The following TMEM17 variants were observed in gnomAD, a reference collection of about 807,000 sequenced individuals.
TMEM17 encodes transmembrane protein 17.
TMEM17 carries 15 observed loss-of-function variants against 19.1 expected under a neutral mutation model. The observed-to-expected ratio is 0.78, with a 90% CI of 0.52 to 1.21. TMEM17 has a LOEUF of 1.21. TMEM17 is among the 50% of genes most tolerant of loss of function. The pLI is 0.00. For synonymous variants in TMEM17, 103 were observed against 86.9 expected (o/e 1.19, Z -1.03); for missense variants, 245 against 242.3 (o/e 1.01, Z -0.07).
In TMEM17 at chr2:62,506,059, C is replaced by T. The variant is rs913282627; in HGVS notation, c.71G>A (p.Arg24Gln). The change falls in exon 1 of 4, where the codon CGG becomes CAG. Residue 24 changes from arginine to glutamine, a missense_variant. Arg to Gln is a conservative substitution (Grantham distance 43, BLOSUM62 1). Coordinates refer to ENST00000335390, the MANE Select transcript of TMEM17 (RefSeq NM_198276.3). ...FSRAVFSDSN[R>Q]TGPESNEGPE... The stretch of plus-strand genomic sequence containing the variant: ...ACCCTCATTGGACTCTGGACCGGTC[C>T]GATTGGAATCACTGAACACGGCCCG... 8.7e-6 allele frequency: 14 copies of T among 1,610,768 alleles called. No homozygotes were observed. Among genetic ancestry groups the T allele is most frequent in the African/African-American group, 5.4e-5 (4 of 74,540 alleles).
the TMEM17 span, among the ~76,000 whole-genome samples, chr2:62,460,575 C>A: frequency 6.6e-6 from 1 of 152,120 alleles, no homozygotes; most frequent in Non-Finnish European, 1.5e-5. Flanking sequence ...AATAGCAGAC[C>A]ATATTTGTAT....
At chr2:62,497,741 C>A (rs1165290069), downstream of TMEM17, among the ~76,000 whole-genome samples, 2 of 152,186 alleles carry the variant, frequency 1.3e-5, no homozygotes, top group African/African-American at 4.8e-5. Context: ...ACTGCCTACC[C>A]CCCTCAGACA....
chr2:62,499,232 CT>C (rs1679857396), downstream of TMEM17, among the ~76,000 whole-genome samples: 1 of 152,018 alleles, frequency 6.6e-6, no homozygotes. Context: ...TGTTATTAAT[CT>C]CTTAATTTTA....
Position 62,502,677 on chromosome 2 carries a change from A to C in TMEM17, c.204+14T>G. 1 of 1,571,706 alleles carries C rather than the reference A, an allele frequency of 6.4e-7. No homozygotes were observed. On this transcript the variant is annotated intron_variant, in intron 2 of 3. Transcript: ENST00000335390. ...CAACGTCAGGGCAGCAAAAGTATTA[A>C]AGCTTAGATTTACCTTCATGTGAAG...
At chr2:62,477,797 G>A in the TMEM17 span, among the ~76,000 whole-genome samples, 1 of 152,354 alleles carries the variant, frequency 6.6e-6, no homozygotes, top group South Asian at 2.1e-4. Flanking sequence ...AGGGTACGTG[G>A]CCTTAGGCCA....
the TMEM17 span, among the ~76,000 whole-genome samples, chr2:62,494,627 T>C: frequency 6.6e-6 from 1 of 152,192 alleles, no homozygotes; most frequent in Non-Finnish European, 1.5e-5. Context: ...TCAATAATAC[T>C]TTTCTGCCAG....
the TMEM17 span, among the ~76,000 whole-genome samples, chr2:62,473,824 G>A: frequency 6.6e-6 from 1 of 152,230 alleles, no homozygotes; most frequent in African/African-American, 2.4e-5. Flanking sequence ...TGGACAATGT[G>A]GCAGAGACTC....
At chr2:62,482,921 T>C in the TMEM17 span, among the ~76,000 whole-genome samples, 1 of 152,186 alleles carries the variant, frequency 6.6e-6, no homozygotes, top group African/African-American at 2.4e-5. Context: ...CAAATTGGTA[T>C]CAGAAGAGGA....
rs13396048 is a variant in TMEM17, at chr2:62,500,970, A to G, written c.*239T>C. On this transcript the variant is annotated 3_prime_UTR_variant, in exon 4 of 4. Transcript: ENST00000335390. ...GATTTCTACACTCCTGAAAAAGACAACAACATCAAAAAAAATTAAGAAATT... is the reference window on the plus strand; with the variant it reads ...GATTTCTACACTCCTGAAAAAGACAGCAACATCAAAAAAAATTAAGAAATT... The G allele has an allele frequency of 0.13, 49,021 of 379,298 alleles. 3,684 individuals are homozygous for G. The highest frequency in any genetic ancestry group is 0.26 in the East Asian group (6,277 of 23,828). 23.5% of individuals were successfully genotyped at this position (379,298 alleles called of 1,614,324 possible).
the TMEM17 span, among the ~76,000 whole-genome samples, chr2:62,486,677 C>A: frequency 3.3e-5 from 5 of 152,256 alleles, no homozygotes; most frequent in African/African-American, 1.2e-4. Context: ...TGAAAAGAGA[C>A]AAAGTGGATG....
chr2:62,503,294 G>A (rs1192711250), intron 1 of TMEM17, among the ~76,000 whole-genome samples: 2 of 152,128 alleles, frequency 1.3e-5, no homozygotes, highest in Admixed American at 1.3e-4. Flanking sequence ...GTCCAATTCA[G>A]TGTCATCTTT....
the TMEM17 span, among the ~76,000 whole-genome samples, chr2:62,473,461 G>A: frequency 6.6e-5 from 10 of 152,190 alleles, no homozygotes; most frequent in African/African-American, 2.4e-4. Context: ...GGGATGCAGA[G>A]ATGTCCTTTC....
the TMEM17 span, among the ~76,000 whole-genome samples, chr2:62,482,773 T>C: frequency 1.3e-5 from 2 of 152,166 alleles, no homozygotes; most frequent in African/African-American, 4.8e-5. Context: ...AGAAAGATCA[T>C]TTGGGACCCT....
At chr2:62,457,263 C>T in the TMEM17 span, among the ~76,000 whole-genome samples, 1 of 152,252 alleles carries the variant, frequency 6.6e-6, no homozygotes, top group Non-Finnish European at 1.5e-5. The surrounding 1 kb of genome is among the most constrained non-coding windows in gnomAD (Gnocchi z 4.2). Flanking sequence ...TGTCTTTCCA[C>T]TTCTCCCCTG....
At chr2:62,463,896 G>C in the TMEM17 span, 1 of 152,224 alleles carries the variant, frequency 6.6e-6, no homozygotes, top group Non-Finnish European at 1.5e-5. Context: ...GGACGTCAGA[G>C]AGAAGCAGCT....
At chr2:62,457,581 T>G in the TMEM17 span, among the ~76,000 whole-genome samples, 1 of 150,030 alleles carries the variant, frequency 6.7e-6, no homozygotes, top group Non-Finnish European at 1.5e-5. This position sits in a 1 kb window ranked among gnomAD's most constrained non-coding sequence, Gnocchi z 4.2. Context: ...CATTCCAAAG[T>G]GCATCTGATT....
rs1433284700 is a variant in TMEM17, at chr2:62,506,144, A to G, written c.-15T>C. On this transcript the variant is annotated 5_prime_UTR_variant, in exon 1 of 4. Coordinates refer to ENST00000335390, the MANE Select transcript of TMEM17 (RefSeq NM_198276.3). ...GGCAGCTCCATGCCTGGGCCTCAGT[A>G]TCCCTCACCCCCTCAGACACGGGCT... The G allele has an allele frequency of 1.9e-6, 3 of 1,598,076 alleles. No individual in the cohort carries two copies. The highest frequency in any genetic ancestry group is 2.7e-5 in the African/African-American group (2 of 73,820).
At chr2:62,496,163 AC>A (rs1160087351), downstream of TMEM17, among the ~76,000 whole-genome samples, 1 of 152,196 alleles carries the variant, frequency 6.6e-6, no homozygotes, top group African/African-American at 2.4e-5. Flanking sequence ...ACTAAAGTCC[AC>A]AAATCTGTCC....
At position 62,501,056 on chromosome 2, in the gene TMEM17, A is replaced by C. The variant is rs1447024482; in HGVS notation, c.*153T>G. 11 of 821,148 alleles carry C rather than the reference A, an allele frequency of 1.3e-5. No individual in the cohort carries two copies. The highest frequency in any genetic ancestry group is 3.6e-4 in the Middle Eastern group (1 of 2,806). The allele number at this position is 821,148 out of a possible 1,614,324, so 50.9% of individuals were successfully genotyped here. On this transcript the variant is annotated 3_prime_UTR_variant, in exon 4 of 4. Transcript: ENST00000335390. ...AATATACTGTTTCATATACTGTACA[A>C]AGTTTCATCATTGCCCCCAACCTTG...
Sources: gnomAD v4.1 joint callset for allele counts (sites outside exome capture counted in the v4.1 genomes callset) on GRCh38, gnomAD v4.1.1 for gene constraint, Gnocchi (gnomAD v3.1) non-coding constraint, MANE v1.5 for transcripts, NCBI Gene and HGNC (gene_info 2026-07-23, HGNC 2026-07-21) for gene names.